TCF7L2: variants seen among roughly 807,000 people sequenced by gnomAD.
TCF7L2 encodes transcription factor 7 like 2.
In TCF7L2, 23 loss-of-function variants were observed where a neutral mutation model predicts 77.9. That is an observed-to-expected ratio of 0.30 (90% CI 0.21 to 0.42). The LOEUF (loss-of-function observed/expected upper bound fraction) is 0.42. Among genes scored for constraint, TCF7L2 ranks in the 10% least tolerant of loss-of-function variants. The pLI is 1.00. For synonymous variants in TCF7L2, 413 were observed against 340.2 expected, an observed-to-expected ratio of 1.21 and a Z score of -2.36; for missense variants, 654 against 793.1, an observed-to-expected ratio of 0.82 and a Z score of 2.11.
intron 4 of TCF7L2, among the ~76,000 whole-genome samples, chr10:113,008,850 A>G (rs6585200): frequency 0.53 from 81,066 of 151,936 alleles, 24,362 homozygotes; most frequent in African/African-American, 0.81. Flanking sequence ...TCTGTTCCTA[A>G]GCTCAGGGAT....
chr10:112,998,766 C>T (rs571324874), intron 4 of TCF7L2, among the ~76,000 whole-genome samples: 14 of 152,268 alleles, frequency 9.2e-5, no homozygotes, highest in East Asian at 3.9e-4. Flanking sequence ...TTCATCTCTT[C>T]GCTATAAACA....
chr10:113,071,869 T>C (rs1340555466), intron 5 of TCF7L2, among the ~76,000 whole-genome samples: 1 of 152,202 alleles, frequency 6.6e-6, no homozygotes, highest in East Asian at 1.9e-4. Context: ...ATGAGTGGAT[T>C]CCTCCAGGTC....
At chr10:112,983,035 A>T (rs2040771637) in intron 4 of TCF7L2, among the ~76,000 whole-genome samples, 1 of 152,130 alleles carries the variant, frequency 6.6e-6, no homozygotes, top group Admixed American at 6.6e-5. Flanking sequence ...ACTTATAATT[A>T]TTATTTAGCT....
intron 5 of TCF7L2, among the ~76,000 whole-genome samples, chr10:113,131,770 T>A (rs900840955): frequency 1.3e-5 from 2 of 152,256 alleles, no homozygotes; most frequent in Admixed American, 1.3e-4. Context: ...GGGACCTGGC[T>A]GAGCTGTGTA....
At chr10:112,955,355 C>G (rs2033259669) in intron 3 of TCF7L2, among the ~76,000 whole-genome samples, 1 of 152,102 alleles carries the variant, frequency 6.6e-6, no homozygotes. Flanking sequence ...CGTATTAATT[C>G]CATGCTAATC....
intron 10 of TCF7L2, 125 bp from the exon 11 acceptor site, chr10:113,152,208 T>G: frequency 1.1e-6 from 1 of 922,076 alleles, no homozygotes; most frequent in Non-Finnish European, 1.8e-6. Context: ...ATTATACCAT[T>G]TCTGGACGGA....
At chr10:113,088,662 G>GT (rs1416955353) in intron 5 of TCF7L2, among the ~76,000 whole-genome samples, 1 of 152,142 alleles carries the variant, frequency 6.6e-6, no homozygotes, top group East Asian at 1.9e-4. Context: ...TAAGGTATGA[G>GT]TGAAGACAGA....
chr10:113,016,881 C>T (rs964155961), intron 4 of TCF7L2, among the ~76,000 whole-genome samples: 3 of 152,158 alleles, frequency 2.0e-5, no homozygotes, highest in Non-Finnish European at 2.9e-5. Context: ...GGAGCACTCT[C>T]GTGTGCCCCT....
intron 4 of TCF7L2, among the ~76,000 whole-genome samples, chr10:112,969,943 A>G (rs1002694149): frequency 2.6e-5 from 4 of 152,180 alleles, no homozygotes; most frequent in Non-Finnish European, 5.9e-5. Context: ...TTCCAAACCT[A>G]TGAGCACTGT....
chr10:113,151,947 G>T lies in TCF7L2; in HGVS notation c.1161+63G>T. 1.3e-6 allele frequency: 2 copies of T among 1,538,706 alleles called. No individual in the cohort carries two copies. The highest frequency in any genetic ancestry group is 1.3e-5 in the South Asian group (1 of 77,062). ...GTGGTGAGGGACCAGAGTGCAGCAG[G>T]TCAGGTGGCAGAATGTCTCTGTCCC... On this transcript the variant is annotated intron_variant, in intron 10 of 13. Transcript: ENST00000627217. The surrounding 1 kb of genome is among the most constrained non-coding windows in gnomAD (Gnocchi z 5.2).
rs184528456 is a variant in TCF7L2, at chr10:113,138,426, A to C, written c.553-2758A>C. Among the ~76,000 whole-genome samples the C allele has an allele frequency of 3.9e-5, 6 of 152,200 alleles. No individual in the cohort carries two copies. In the East Asian group the frequency reaches 1.2e-3, roughly 29 times the overall value. On this transcript the variant is annotated intron_variant, in intron 5 of 13. Transcript: ENST00000627217. ...CTAAGAAGATGGAGACTTAATTTTT[A>C]AATCTCACACTCAGTTAACTCCATT...
In TCF7L2 at chr10:113,158,722, T is replaced by C; in HGVS notation, c.1318+653T>C. On this transcript the variant is annotated intron_variant, in intron 12 of 13. Coordinates refer to ENST00000627217, the MANE Select transcript of TCF7L2 (RefSeq NM_001146274.2). ...TTTCACTTCCTCCGATTACAGGTGCTAATGTCATTTTGAGTCATTAAAATA... is the reference window on the plus strand; with the variant it reads ...TTTCACTTCCTCCGATTACAGGTGCCAATGTCATTTTGAGTCATTAAAATA... 6.2e-7 allele frequency: 1 copy of C among 1,613,580 alleles called. No homozygotes were observed. Among genetic ancestry groups the C allele is most frequent in the Non-Finnish European group, 8.5e-7 (1 of 1,179,824 alleles).
Position 112,990,627 on chromosome 10 carries a change from G to A in TCF7L2, c.450+26003G>A, listed in dbSNP as rs1403676611. 3.9e-5 allele frequency among the ~76,000 whole-genome samples: 6 copies of A among 152,174 alleles called. No individual in the cohort carries two copies. The South Asian group carries it at 8.3e-4, about 21-fold the overall frequency. On this transcript the variant is annotated intron_variant, in intron 4 of 13. Coordinates refer to ENST00000627217, the MANE Select transcript of TCF7L2 (RefSeq NM_001146274.2). ...GAGGCTGAGGTGGGCGGGCGATTGA[G>A]CTCAGGAGGTCCAGGCTGCAGTGAG... is the stretch of plus-strand genomic sequence containing the variant.
intron 4 of TCF7L2, among the ~76,000 whole-genome samples, chr10:113,024,854 A>T (rs1351372287): frequency 6.6e-6 from 1 of 152,146 alleles, no homozygotes. Flanking sequence ...TCCTGACCTC[A>T]AGTGATCCAC....
intron 4 of TCF7L2, among the ~76,000 whole-genome samples, chr10:113,026,847 G>T (rs147243131): frequency 2.0e-5 from 3 of 152,320 alleles, no homozygotes; most frequent in Non-Finnish European, 4.4e-5. Context: ...TATTAATAGC[G>T]CAGACCTTTT....
intron 13 of TCF7L2, among the ~76,000 whole-genome samples, chr10:113,165,263 C>G (rs148730737): frequency 1.3e-5 from 2 of 152,150 alleles, no homozygotes; most frequent in African/African-American, 4.8e-5. Context: ...ATGCTGCTCT[C>G]GTATATAATT....
intron 5 of TCF7L2, among the ~76,000 whole-genome samples, chr10:113,094,981 A>G (rs1260611281): frequency 6.6e-6 from 1 of 152,104 alleles, no homozygotes; most frequent in Non-Finnish European, 1.5e-5. Context: ...TTAGCTGGGT[A>G]CGTGGTCCCA....
intron 4 of TCF7L2, among the ~76,000 whole-genome samples, chr10:112,999,623 C>T (rs963939523): frequency 2.0e-5 from 3 of 152,128 alleles, no homozygotes; most frequent in Admixed American, 6.5e-5. Context: ...AAATGGAATA[C>T]GCTGAAATTT....
In TCF7L2 at chr10:112,953,251, C is replaced by A. The variant is rs141845586; in HGVS notation, c.381+1644C>A. 3.7e-3 allele frequency among the ~76,000 whole-genome samples: 569 copies of A among 151,974 alleles called. 4 individuals carry two copies. The highest frequency in any genetic ancestry group is 0.012 in the East Asian group (63 of 5,150). ...TGGCTAGGGAAGAGAAATAATTATT[C>A]CCCCCCTGCCCGGCGCCCAGACATG... On this transcript the variant is annotated intron_variant, in intron 3 of 13. Transcript: ENST00000627217.
Sources: gnomAD v4.1 joint callset for allele counts (sites outside exome capture counted in the v4.1 genomes callset) on GRCh38, gnomAD v4.1.1 for gene constraint, Gnocchi (gnomAD v3.1) non-coding constraint, MANE v1.5 for transcripts, NCBI Gene and HGNC (gene_info 2026-07-23, HGNC 2026-07-21) for gene names.